The following EFNA5 variants were observed in gnomAD, a reference collection of about 807,000 sequenced individuals.
The protein encoded by EFNA5 is ephrin A5.
In EFNA5, 5 loss-of-function variants were observed where a neutral mutation model predicts 22.9. The observed-to-expected ratio is 0.22, with a 90% CI of 0.11 to 0.46. The LOEUF (loss-of-function observed/expected upper bound fraction) is 0.46. Ranked by LOEUF, EFNA5 falls within the 20% of genes least tolerant of loss-of-function variation. The pLI, the probability that EFNA5 is intolerant of heterozygous loss-of-function variation, is 0.99. For missense variants in EFNA5, 237 were observed against 293.3 expected (o/e 0.81, Z 1.40); for synonymous variants, 113 against 112.2 (o/e 1.01, Z -0.04).
chr5:107,493,984 A>AT (rs200829753), intron 1 of EFNA5, among the ~76,000 whole-genome samples: 3,135 of 152,278 alleles, frequency 0.021, 119 homozygotes, highest in African/African-American at 0.072. Context: ...CCTAAACCCT[A>AT]TTTTGCAATG....
chr5:107,513,874 G>A (rs1280051054), intron 1 of EFNA5, among the ~76,000 whole-genome samples: 2 of 152,284 alleles, frequency 1.3e-5, no homozygotes, highest in Non-Finnish European at 2.9e-5. Context: ...AGTGTGACAT[G>A]TAAGCTGATC....
intron 1 of EFNA5, among the ~76,000 whole-genome samples, chr5:107,661,680 C>A (rs977078009): frequency 2.6e-5 from 4 of 152,184 alleles, no homozygotes; most frequent in Non-Finnish European, 5.9e-5. Context: ...TTCCTTTTCC[C>A]CCCATTCTCA....
intron 1 of EFNA5, among the ~76,000 whole-genome samples, chr5:107,651,670 CAA>C (rs5870275): frequency 1.0e-4 from 14 of 136,992 alleles, no homozygotes; most frequent in Admixed American, 2.2e-4. Flanking sequence ...GGTTTTTTGG[CAA>C]AAAAAAAAAA....
chr5:107,397,626 T>A (rs1426934041), intron 2 of EFNA5, among the ~76,000 whole-genome samples: 2 of 152,182 alleles, frequency 1.3e-5, no homozygotes. Flanking sequence ...TCTTAACCAG[T>A]AAGCCATGTT....
chr5:107,493,216 T>C (rs1439827252), intron 1 of EFNA5, among the ~76,000 whole-genome samples: 7 of 151,980 alleles, frequency 4.6e-5, no homozygotes, highest in African/African-American at 1.7e-4. Context: ...GTTTTTTGTT[T>C]TTTTTTTATC....
chr5:107,390,054 A>C (rs1484570391), intron 2 of EFNA5, among the ~76,000 whole-genome samples: 2 of 152,242 alleles, frequency 1.3e-5, no homozygotes, highest in African/African-American at 4.8e-5. Flanking sequence ...TCATCACTGC[A>C]TCACTGGCCT....
intron 2 of EFNA5, among the ~76,000 whole-genome samples, chr5:107,412,819 T>C (rs1748404898): frequency 6.6e-6 from 1 of 152,204 alleles, no homozygotes; most frequent in Non-Finnish European, 1.5e-5. Context: ...TCAATTAATA[T>C]ATTTGGCCAT....
intron 1 of EFNA5, among the ~76,000 whole-genome samples, chr5:107,516,212 T>TGTGTGTGTGTG (rs1747476906): frequency 2.2e-5 from 1 of 45,102 alleles, no homozygotes; most frequent in Non-Finnish European, 6.0e-5. Flanking sequence ...GTGTGTGTGT[T>TGTGTGTGTGTG]AATTTTTGGA....
intron 1 of EFNA5, among the ~76,000 whole-genome samples, chr5:107,613,252 T>C (rs1418849745): frequency 6.6e-6 from 1 of 152,126 alleles, no homozygotes; most frequent in Non-Finnish European, 1.5e-5. Flanking sequence ...TCAAGTGTTT[T>C]ATAAAAGTAA....
intron 1 of EFNA5, among the ~76,000 whole-genome samples, chr5:107,557,040 C>T (rs539780748): frequency 5.9e-5 from 9 of 152,174 alleles, no homozygotes; most frequent in African/African-American, 1.4e-4. Context: ...AGAAATTAAA[C>T]GGCTGTTTGG....
chr5:107,568,604 T>G (rs947101734), intron 1 of EFNA5, among the ~76,000 whole-genome samples: 5 of 152,150 alleles, frequency 3.3e-5, no homozygotes, highest in Non-Finnish European at 5.9e-5. Context: ...TTGGCCATCC[T>G]CAAACCCAAG....
At chr5:107,605,227 T>A (rs1749689322) in intron 1 of EFNA5, among the ~76,000 whole-genome samples, 1 of 152,026 alleles carries the variant, frequency 6.6e-6, no homozygotes, top group Non-Finnish European at 1.5e-5. Context: ...TCCTTCCCCC[T>A]AATGCCTCTT....
chr5:107,420,150 T>C (rs1748615444), intron 2 of EFNA5, among the ~76,000 whole-genome samples: 1 of 152,190 alleles, frequency 6.6e-6, no homozygotes, highest in African/African-American at 2.4e-5. Flanking sequence ...TCCTTATGCA[T>C]AGTAATCCTA....
chr5:107,543,841 T>C (rs758013318), intron 1 of EFNA5, among the ~76,000 whole-genome samples: 6 of 152,248 alleles, frequency 3.9e-5, no homozygotes, highest in Non-Finnish European at 8.8e-5. Flanking sequence ...TAACATTTAA[T>C]ATGCTGTAAA....
At chr5:107,447,471 A>G (rs1473794307) in intron 1 of EFNA5, among the ~76,000 whole-genome samples, 1 of 152,222 alleles carries the variant, frequency 6.6e-6, no homozygotes, top group Non-Finnish European at 1.5e-5. Flanking sequence ...CTTTGTACTT[A>G]AAGGTGGAGA....
At chr5:107,660,289 T>TATATATATATATAA (rs1750923302) in intron 1 of EFNA5, among the ~76,000 whole-genome samples, 3 of 114,634 alleles carry the variant, frequency 2.6e-5, no homozygotes, top group Non-Finnish European at 3.7e-5. Context: ...TATATATATA[T>TATATATATATATAA]ATATATATAT....
intron 1 of EFNA5, among the ~76,000 whole-genome samples, chr5:107,445,802 C>T (rs997556063): frequency 2.6e-5 from 4 of 152,224 alleles, no homozygotes; most frequent in Non-Finnish European, 5.9e-5. Context: ...CACCTCTAAT[C>T]CTTCTTGTGG....
rs199835136 is a variant in EFNA5 at position 107,518,591 on chromosome 5, A to AT, written c.126-91083_126-91082insA. Reference sequence around the variant, plus strand: ...CGAGGTACACCATGCCAAAAAAAAAAATACCTAAAAATTCTCAGGGCAAGA... The same window carrying AT: ...CGAGGTACACCATGCCAAAAAAAAAATATACCTAAAAATTCTCAGGGCAAGA... On this transcript the variant is annotated intron_variant, in intron 1 of 4. Transcript: ENST00000333274. 2.6e-5 allele frequency among the ~76,000 whole-genome samples: 4 copies of AT among 151,822 alleles called. No homozygotes were observed. In the East Asian group the frequency reaches 7.8e-4, roughly 29 times the overall value.
intron 1 of EFNA5, among the ~76,000 whole-genome samples, chr5:107,479,456 A>AT (rs1401969775): frequency 8.9e-5 from 13 of 146,466 alleles, no homozygotes; most frequent in African/African-American, 3.4e-4. Flanking sequence ...ATGAAAACAC[A>AT]TTTAAAAAAA....
Sources: allele counts gnomAD v4.1 joint callset (sites outside exome capture counted in the v4.1 genomes callset), GRCh38; gene constraint gnomAD v4.1.1; transcripts MANE v1.5; gene names NCBI Gene and HGNC (gene_info 2026-07-23, HGNC 2026-07-21).